The following PLA2G4E variants were observed in gnomAD, a reference collection of about 807,000 sequenced individuals.
The protein encoded by PLA2G4E is cytosolic phospholipase A2 epsilon.
In PLA2G4E, 84 loss-of-function variants were observed where a neutral mutation model predicts 109.1. That is an observed-to-expected ratio of 0.77 (90% CI 0.65 to 0.92). The LOEUF (loss-of-function observed/expected upper bound fraction) is 0.92, where lower values mean the gene tolerates loss of function less well. Among genes scored for constraint, PLA2G4E ranks in the 40% least tolerant of loss-of-function variants. The pLI, the probability that PLA2G4E is intolerant of heterozygous loss-of-function variation, is 0.00. For missense variants in PLA2G4E, 1,057 were observed against 1,076.6 expected, an observed-to-expected ratio of 0.98 and a Z score of 0.25; for synonymous variants, 469 against 436.1, an observed-to-expected ratio of 1.08 and a Z score of -0.94.
At chr15:41,984,455 G>A (rs1279429102) in exon 19 of PLA2G4E, 1 of 1,613,314 alleles carries the variant, frequency 6.2e-7, no homozygotes, top group African/African-American at 1.3e-5. Flanking sequence ...TGTATTTTCG[G>A]AAAGTGTCAT....
Position 42,044,533 on chromosome 15 carries a change from G to A in PLA2G4E, c.183+5988C>T, listed in dbSNP as rs535073271. Among the ~76,000 whole-genome samples the A allele has an allele frequency of 2.0e-5, 3 of 149,872 alleles. No individual in the cohort carries two copies. The East Asian group carries it at 6.0e-4, about 30-fold the overall frequency. On this transcript the variant is annotated intron_variant, in intron 1 of 19. Coordinates refer to ENST00000399518, the Ensembl canonical transcript of PLA2G4E. ...ATGCCACCGAAGGGTATTAAGCAAG[G>A]ACAAAAAACCAAACACCGCATGTTC...
Position 41,988,035 on chromosome 15 carries a change from C to A in PLA2G4E, c.1831+14G>T, listed in dbSNP as rs767006418. The A allele has an allele frequency of 6.4e-7, 1 of 1,574,058 alleles. No individual in the cohort carries two copies. Among genetic ancestry groups the A allele is most frequent in the Non-Finnish European group, 8.7e-7 (1 of 1,154,532 alleles). On this transcript the variant is annotated intron_variant, in intron 16 of 19. Coordinates refer to ENST00000399518, the Ensembl canonical transcript of PLA2G4E. ...CCCATCACCCAGCCATGAGGGAAAGCCGGGGTCACCCACCGATGTCCTGCA... is the reference window on the plus strand; with the variant it reads ...CCCATCACCCAGCCATGAGGGAAAGACGGGGTCACCCACCGATGTCCTGCA...
chr15:42,044,311 G>C (rs953508093), intron 1 of PLA2G4E, among the ~76,000 whole-genome samples: 1 of 152,144 alleles, frequency 6.6e-6, no homozygotes, highest in Non-Finnish European at 1.5e-5. Flanking sequence ...TAGGAAAATC[G>C]GGGTTAGCTA....
At position 41,988,173 on chromosome 15, in the gene PLA2G4E, G is replaced by A; in HGVS notation, c.1724-17C>T. 6.4e-7 allele frequency: 1 copy of A among 1,555,464 alleles called. No individual in the cohort carries two copies. Among genetic ancestry groups the A allele is most frequent in the East Asian group, 2.4e-5 (1 of 42,252 alleles). On this transcript the variant is annotated splice_polypyrimidine_tract_variant and intron_variant, in intron 15 of 19. Transcript: ENST00000399518. ...TCCACAGGCCTGGGAGCCAGGGCCA[G>A]CGTGAGCAGCTCCACCCTGCAGCCC...
chr15:42,010,372 T>G (rs2068524281), intron 2 of PLA2G4E: 1 of 291,750 alleles, frequency 3.4e-6, no homozygotes, highest in Non-Finnish European at 6.9e-6. Context: ...AAGGCTTAAA[T>G]GTCTAGTTAA....
At chr15:42,034,866 A>G (rs768541256) in intron 1 of PLA2G4E, among the ~76,000 whole-genome samples, 8 of 152,226 alleles carry the variant, frequency 5.3e-5, no homozygotes, top group Non-Finnish European at 1.0e-4. Context: ...TCCCAGTTAC[A>G]TGAGACAATA....
chr15:42,002,686 G>T, exon 6 of PLA2G4E: 1 of 1,582,144 alleles, frequency 6.3e-7, no homozygotes, highest in South Asian at 1.2e-5. Flanking sequence ...AGGGTCTCAG[G>T]TGGAGAGGGA....
At chr15:42,046,867 G>T (rs1315944473) in intron 1 of PLA2G4E, among the ~76,000 whole-genome samples, 1 of 152,232 alleles carries the variant, frequency 6.6e-6, no homozygotes, top group East Asian at 1.9e-4. Context: ...CAGGGCAGGA[G>T]ATGCGGTGAT....
At chr15:42,040,032 T>G (rs1238992775) in intron 1 of PLA2G4E, among the ~76,000 whole-genome samples, 1 of 152,192 alleles carries the variant, frequency 6.6e-6, no homozygotes, top group Non-Finnish European at 1.5e-5. Context: ...TATCAATAAA[T>G]GTACTTTAAA....
At position 42,002,516 on chromosome 15, in the gene PLA2G4E, G is replaced by A. The variant is rs962166732; in HGVS notation, c.609+138C>T. 10 of 983,806 alleles carry A rather than the reference G, an allele frequency of 1.0e-5. No homozygotes were observed. In the Admixed American group the frequency reaches 1.1e-4, roughly 11 times the overall value. 60.9% of individuals were successfully genotyped at this position (983,806 alleles called of 1,614,324 possible). A position where few individuals can be genotyped will look rare whatever the true frequency, so the allele number is the denominator to read the frequency against. ...GCCTGTGCCCCATTTGGCTGGCCTC[G>A]TTTAGTCTAACTCCTGCAGAGGTCA... On this transcript the variant is annotated intron_variant, in intron 6 of 19. Transcript: ENST00000399518.
chr15:42,007,143 G>C (rs912960334), intron 3 of PLA2G4E, among the ~76,000 whole-genome samples: 5 of 152,198 alleles, frequency 3.3e-5, no homozygotes, highest in Non-Finnish European at 2.9e-5. Context: ...ATGCCACTAT[G>C]ATGAGGCCAA....
chr15:42,029,614 T>C (rs954524689), intron 1 of PLA2G4E, among the ~76,000 whole-genome samples: 7 of 152,148 alleles, frequency 4.6e-5, no homozygotes, highest in African/African-American at 1.7e-4. Context: ...CAAGACTGAG[T>C]ATGGTATAGC....
At position 42,013,898 on chromosome 15, in the gene PLA2G4E, T is replaced by G. The variant is rs960091844; in HGVS notation, c.184-141A>C. 8.9e-5 allele frequency: 55 copies of G among 618,926 alleles called. 1 individual carries two copies. In the East Asian group the frequency reaches 1.3e-3, roughly 15 times the overall value. The allele number at this position is 618,926 out of a possible 1,614,324, so 38.3% of individuals were successfully genotyped here. On this transcript the variant is annotated intron_variant, in intron 1 of 19. Transcript: ENST00000399518. ...CCTAGGCTGGTTTTTTTTTTTTTTTTTTTTTTTTTTTTTACAGAGTTTCAC... is the reference window on the plus strand; with the variant it reads ...CCTAGGCTGGTTTTTTTTTTTTTTTGTTTTTTTTTTTTTACAGAGTTTCAC...
chr15:42,036,703 C>T (rs1889222558), intron 1 of PLA2G4E, among the ~76,000 whole-genome samples: 1 of 152,160 alleles, frequency 6.6e-6, no homozygotes, highest in African/African-American at 2.4e-5. Flanking sequence ...GGCCGGGGCC[C>T]AGCCAGGACC....
At chr15:42,050,405 TG>T (rs1889486465) in intron 1 of PLA2G4E, 2 of 1,256,154 alleles carry the variant, frequency 1.6e-6, no homozygotes, top group Non-Finnish European at 1.1e-6. Context: ...GAGAAAGAAA[TG>T]AACAAAAACC....
chr15:41,992,635 C>A (rs563205012), intron 13 of PLA2G4E, 102 bp downstream of exon 13: 2 of 1,161,512 alleles, frequency 1.7e-6, no homozygotes, highest in Admixed American at 2.3e-5. Flanking sequence ...CAGGTCTAAC[C>A]TAATCCCCTG....
At chr15:42,015,601 G>C (rs2068581500) in intron 1 of PLA2G4E, among the ~76,000 whole-genome samples, 1 of 152,248 alleles carries the variant, frequency 6.6e-6, no homozygotes, top group Admixed American at 6.5e-5. Context: ...CCCTATGCTA[G>C]ATGCTGGGGG....
chr15:42,006,172 C>G lies in PLA2G4E; in HGVS notation c.394-51G>C, dbSNP rs2068475231. 3.7e-6 allele frequency: 6 copies of G among 1,605,186 alleles called. No individual in the cohort carries two copies. The East Asian group carries it at 1.1e-4, about 30-fold the overall frequency. ...CTGGTTACCACGGTTGCATTGACCC[C>G]TTCCCAGAACAAGGGGCTTGACCTC... On this transcript the variant is annotated intron_variant, in intron 3 of 19. Transcript: ENST00000399518.
chr15:41,988,305 C>T, intron 15 of PLA2G4E, 149 bp from the exon 16 acceptor site: 1 of 604,464 alleles, frequency 1.7e-6, no homozygotes, highest in Non-Finnish European at 3.0e-6. Flanking sequence ...TGTCCTTCTC[C>T]CCTTCCCACT....
Sources: allele counts gnomAD v4.1 joint callset (sites outside exome capture counted in the v4.1 genomes callset), GRCh38; gene constraint gnomAD v4.1.1; transcripts MANE v1.5; gene names NCBI Gene and HGNC (gene_info 2026-07-23, HGNC 2026-07-21).